EXOC6: variants seen among roughly 807,000 people sequenced by gnomAD.
EXOC6 encodes SEC15-like 1.
EXOC6 carries 60 observed loss-of-function variants against 112.5 expected under a neutral mutation model. That is an observed-to-expected ratio of 0.53 (90% CI 0.43 to 0.66). EXOC6 has a LOEUF of 0.66. Ranked by LOEUF, EXOC6 falls within the 30% of genes least tolerant of loss-of-function variation. The pLI, the probability that EXOC6 is intolerant of heterozygous loss-of-function variation, is 0.00. For synonymous variants in EXOC6, 295 were observed against 308.0 expected (o/e 0.96, Z 0.44); for missense variants, 855 against 957.1 (o/e 0.89, Z 1.41).
chr10:92,989,754 C>G (rs1430396126), intron 18 of EXOC6, among the ~76,000 whole-genome samples: 1 of 152,172 alleles, frequency 6.6e-6, no homozygotes, highest in Non-Finnish European at 1.5e-5. Flanking sequence ...AGAAGTAAAA[C>G]TGACCGGCCA....
At position 93,047,713 on chromosome 10, in the gene EXOC6, C is replaced by T. The variant is rs536607359; in HGVS notation, c.2170-9211C>T. Among the ~76,000 whole-genome samples, 17 of 152,026 alleles carry T rather than the reference C, an allele frequency of 1.1e-4. No homozygotes were observed. The East Asian group carries it at 2.9e-3, about 26-fold the overall frequency. Reference sequence around the variant, plus strand: ...CTATAATCCTAGCATTTTGGGAGGCCGAGGCAGGTGGATCACGAGGTCAGG... The same window carrying T: ...CTATAATCCTAGCATTTTGGGAGGCTGAGGCAGGTGGATCACGAGGTCAGG... On this transcript the variant is annotated intron_variant, in intron 20 of 21. Transcript: ENST00000260762.
At chr10:92,946,929 CTTGTA>C (rs1317270174) in intron 13 of EXOC6, among the ~76,000 whole-genome samples, 1 of 152,034 alleles carries the variant, frequency 6.6e-6, no homozygotes, top group Non-Finnish European at 1.5e-5. Flanking sequence ...CCTTGTACTT[CTTGTA>C]TTGTATGTAT....
intron 1 of EXOC6, among the ~76,000 whole-genome samples, chr10:92,874,032 G>A (rs969755199): frequency 1.6e-4 from 24 of 149,268 alleles, no homozygotes; most frequent in African/African-American, 5.9e-4. Flanking sequence ...CAGCCTAGGC[G>A]ACAGAGCAAG....
At chr10:92,989,124 G>A (rs1461039538) in intron 18 of EXOC6, among the ~76,000 whole-genome samples, 2 of 152,108 alleles carry the variant, frequency 1.3e-5, no homozygotes, top group African/African-American at 4.8e-5. Context: ...TCTTATGTCA[G>A]GAACTACATC....
chr10:93,041,015 A>G (rs1435592617), intron 20 of EXOC6, among the ~76,000 whole-genome samples: 1 of 152,180 alleles, frequency 6.6e-6, no homozygotes, highest in African/African-American at 2.4e-5. Context: ...TGCTTGGTAA[A>G]CCATTTGACT....
intron 13 of EXOC6, among the ~76,000 whole-genome samples, chr10:92,947,724 A>C (rs1251969955): frequency 1.3e-5 from 2 of 152,152 alleles, no homozygotes; most frequent in African/African-American, 4.8e-5. Flanking sequence ...CCTGGCTAAC[A>C]CGGTGAAACC....
At chr10:92,928,648 T>A (rs1478673003) in intron 9 of EXOC6, among the ~76,000 whole-genome samples, 51 of 139,272 alleles carry the variant, frequency 3.7e-4, no homozygotes, top group Non-Finnish European at 5.8e-4. Context: ...ACAGCGAATT[T>A]AAAAAAAAAA....
chr10:92,855,789 G>T (rs1383283364), intron 1 of EXOC6, among the ~76,000 whole-genome samples: 2 of 151,684 alleles, frequency 1.3e-5, no homozygotes, highest in Non-Finnish European at 2.9e-5. Context: ...GGTCATTCTA[G>T]ATAAAGGTTT....
chr10:93,001,167 C>T (rs1255253847), intron 19 of EXOC6, among the ~76,000 whole-genome samples: 1 of 152,084 alleles, frequency 6.6e-6, no homozygotes, highest in African/African-American at 2.4e-5. Context: ...GAGAAAAGGT[C>T]AGGATACCAT....
chr10:92,999,155 A>G, intron 19 of EXOC6: 1 of 377,040 alleles, frequency 2.7e-6, no homozygotes, highest in South Asian at 2.0e-5. Context: ...TATAGGCATG[A>G]GCTACCCTTG....
chr10:92,894,031 A>G (rs150083185), intron 2 of EXOC6, among the ~76,000 whole-genome samples: 1 of 152,342 alleles, frequency 6.6e-6, no homozygotes, highest in Admixed American at 6.5e-5. Context: ...TTGTTCAGTC[A>G]GGATAAAAAA....
intron 20 of EXOC6, among the ~76,000 whole-genome samples, chr10:93,018,843 A>G (rs1844655761): frequency 6.6e-6 from 1 of 151,682 alleles, no homozygotes; most frequent in Non-Finnish European, 1.5e-5. Flanking sequence ...AATTTTTCAT[A>G]ATAAAAATAA....
At chr10:92,901,741 T>C (rs1374508910) in intron 5 of EXOC6, 3 of 150,308 alleles carry the variant, frequency 2.0e-5, no homozygotes, top group Non-Finnish European at 4.4e-5. Flanking sequence ...CTCACACCTG[T>C]AATCTCAGCA....
At chr10:93,031,510 C>CTTTTTTTTTTTTTTTTTTTTTTTTTT (rs778524287) in intron 20 of EXOC6, among the ~76,000 whole-genome samples, 1 of 130,454 alleles carries the variant, frequency 7.7e-6, no homozygotes, top group Non-Finnish European at 1.6e-5. Context: ...TTCTTTCTTT[C>CTTTTTTTTTTTTTTTTTTTTTTTTTT]TTTTTTTTTT....
intron 18 of EXOC6, among the ~76,000 whole-genome samples, chr10:92,981,191 T>C (rs1224210954): frequency 2.0e-5 from 3 of 152,218 alleles, no homozygotes; most frequent in African/African-American, 7.2e-5. Context: ...GAAGAATTTT[T>C]AAAAACATTA....
At chr10:92,942,836 G>A (rs1852744458) in intron 13 of EXOC6, among the ~76,000 whole-genome samples, 1 of 151,990 alleles carries the variant, frequency 6.6e-6, no homozygotes, top group Non-Finnish European at 1.5e-5. Context: ...TCAAGACTGG[G>A]GAAACCATGA....
chr10:92,963,613 G>T (rs7914449), intron 17 of EXOC6, among the ~76,000 whole-genome samples: 14,369 of 149,222 alleles, frequency 0.096, 758 homozygotes, highest in Admixed American at 0.17. Context: ...TCAGGCTTCC[G>T]AGTAGCTGGG....
rs1052513303 is a variant in EXOC6 at position 92,977,688 on chromosome 10, CACACAT to C, written c.1953+3462_1953+3467del. Among the ~76,000 whole-genome samples, 124 of 152,006 alleles carry C rather than the reference CACACAT, an allele frequency of 8.2e-4. 1 individual carries two copies. Among genetic ancestry groups the C allele is most frequent in the South Asian group, 3.3e-3 (16 of 4,806 alleles). On this transcript the variant is annotated intron_variant, in intron 18 of 21. Transcript: ENST00000260762. Reference sequence around the variant, plus strand: ...GTACGTGCTTGCAGACACACACACACACACATACACACACACACGTTTTATGTTTTA... The same window carrying C: ...GTACGTGCTTGCAGACACACACACACACACACACACACGTTTTATGTTTTA...
chr10:92,902,679 T>C (rs997824111), intron 5 of EXOC6, among the ~76,000 whole-genome samples: 1 of 152,110 alleles, frequency 6.6e-6, no homozygotes, highest in Non-Finnish European at 1.5e-5. Flanking sequence ...CCCAGAAGCT[T>C]TCTTATACTT....
Sources: gnomAD v4.1 joint callset for allele counts (sites outside exome capture counted in the v4.1 genomes callset) on GRCh38, gnomAD v4.1.1 for gene constraint, MANE v1.5 for transcripts, NCBI Gene and HGNC (gene_info 2026-07-23, HGNC 2026-07-21) for gene names.